The following ADAM10 variants were observed in gnomAD, a reference collection of about 807,000 sequenced individuals.
ADAM10 encodes disintegrin and metalloproteinase domain-containing protein 10.
A neutral mutation model predicts 90.1 loss-of-function variants in ADAM10; 17 were observed. That is an observed-to-expected ratio of 0.19 (90% confidence interval 0.13 to 0.28). ADAM10 has a LOEUF of 0.28. Ranked by LOEUF, ADAM10 falls within the 10% of genes least tolerant of loss-of-function variation. ADAM10 has a pLI of 1.00. For synonymous variants in ADAM10, 310 were observed against 298.6 expected, an observed-to-expected ratio of 1.04 and a Z score of -0.40; for missense variants, 610 against 914.3, an observed-to-expected ratio of 0.67 and a Z score of 4.29.
intron 2 of ADAM10, among the ~76,000 whole-genome samples, chr15:58,690,051 T>C (rs1295260409): frequency 2.1e-5 from 3 of 145,072 alleles, no homozygotes; most frequent in African/African-American, 7.8e-5. Flanking sequence ...AAAAGGACAA[T>C]ACATCATAAG....
At chr15:58,631,054 C>T (rs1896086689) in intron 9 of ADAM10, among the ~76,000 whole-genome samples, 1 of 152,044 alleles carries the variant, frequency 6.6e-6, no homozygotes, top group Admixed American at 6.5e-5. Context: ...CTCTCCTTGA[C>T]CCCACGCTCC....
At chr15:58,640,450 T>C (rs1896386657) in intron 8 of ADAM10, among the ~76,000 whole-genome samples, 1 of 152,164 alleles carries the variant, frequency 6.6e-6, no homozygotes, top group Non-Finnish European at 1.5e-5. Flanking sequence ...AGTTAATAAA[T>C]ATATAACATT....
At chr15:58,713,717 T>C (rs929581759) in intron 2 of ADAM10, among the ~76,000 whole-genome samples, 1 of 152,244 alleles carries the variant, frequency 6.6e-6, no homozygotes. Flanking sequence ...ACTGGAGTTG[T>C]TTCCTTAACG....
At chr15:58,612,384 G>A (rs1266488660) in intron 11 of ADAM10, among the ~76,000 whole-genome samples, 2 of 152,108 alleles carry the variant, frequency 1.3e-5, no homozygotes, top group Admixed American at 6.5e-5. Flanking sequence ...TGGCTGAACT[G>A]GGATACTATG....
chr15:58,655,687 T>TATACTATATATATATACTATATATAC (rs57182110), intron 5 of ADAM10, among the ~76,000 whole-genome samples: 1 of 80,306 alleles, frequency 1.2e-5, no homozygotes, highest in African/African-American at 6.3e-5. Context: ...CATATATATA[T>TATACTATATATATATACTATATATAC]TATATATAGT....
chr15:58,631,042 C>G (rs1896086258), intron 9 of ADAM10, among the ~76,000 whole-genome samples: 1 of 152,024 alleles, frequency 6.6e-6, no homozygotes, highest in Non-Finnish European at 1.5e-5. Flanking sequence ...CTAGTACCTC[C>G]TCTCTCCTTG....
At chr15:58,664,966 G>A (rs1468234232) in intron 5 of ADAM10, 131 bp downstream of exon 5, 1 of 752,916 alleles carries the variant, frequency 1.3e-6, no homozygotes, top group Non-Finnish European at 2.3e-6. Flanking sequence ...TGGCCTCTTT[G>A]AGCATTAAAA....
rs566294250 is a variant in ADAM10, at chr15:58,712,711, A to T, written c.206+4866T>A. Among the ~76,000 whole-genome samples the T allele has an allele frequency of 2.4e-4, 36 of 152,154 alleles. 1 individual carries two copies. The South Asian group carries it at 7.5e-3, about 32-fold the overall frequency. ...AGCGGTGGTGGGCGCCTCTAGTCCC[A>T]GCTACTCAGGAGGCTGAGGCAGGAC... On this transcript the variant is annotated intron_variant, in intron 2 of 15. Coordinates refer to ENST00000260408, the MANE Select transcript of ADAM10 (RefSeq NM_001110.4).
chr15:58,641,644 C>G (rs1008682365), intron 7 of ADAM10, among the ~76,000 whole-genome samples: 4 of 152,334 alleles, frequency 2.6e-5, no homozygotes, highest in East Asian at 1.9e-4. Context: ...CCTTCAGAAT[C>G]TGAATAATCT....
At chr15:58,692,409 CTTA>C (rs762844228) in intron 2 of ADAM10, 3 of 564,498 alleles carry the variant, frequency 5.3e-6, no homozygotes, top group South Asian at 2.8e-5. Context: ...TTGTTTTCTT[CTTA>C]TTATTCTTAT....
intron 2 of ADAM10, among the ~76,000 whole-genome samples, chr15:58,697,080 T>C (rs1163632450): frequency 3.9e-5 from 6 of 152,038 alleles, no homozygotes. Flanking sequence ...TGCTATGCAT[T>C]TTCATGTGCC....
At chr15:58,611,445 G>A (rs1396602700) in intron 12 of ADAM10, 3 of 327,818 alleles carry the variant, frequency 9.2e-6, no homozygotes, top group Admixed American at 9.3e-5. Flanking sequence ...TTCCTGTAGA[G>A]CAAAGTGATA....
intron 2 of ADAM10, among the ~76,000 whole-genome samples, chr15:58,704,447 T>C (rs1167403553): frequency 5.3e-5 from 8 of 152,146 alleles, no homozygotes; most frequent in Non-Finnish European, 7.4e-5. Context: ...TAATGGGACA[T>C]AAAGCCCCAA....
intron 2 of ADAM10, among the ~76,000 whole-genome samples, chr15:58,683,552 A>C (rs961797589): frequency 6.6e-6 from 1 of 152,190 alleles, no homozygotes; most frequent in African/African-American, 2.4e-5. Context: ...ACTACAAAGA[A>C]TGTGGCATAA....
At position 58,596,110 on chromosome 15, in the gene ADAM10, A is replaced by G. The variant is rs200798400; in HGVS notation, c.*1437T>C. The G allele has an allele frequency of 6.8e-5, 10 of 147,962 alleles. No individual in the cohort carries two copies. Among genetic ancestry groups the G allele is most frequent in the Non-Finnish European group, 1.3e-4 (9 of 67,336 alleles). The allele number at this position is 147,962 out of a possible 1,614,324, so 9.2% of individuals were successfully genotyped here. A position where few individuals can be genotyped will look rare whatever the true frequency, so the allele number is the denominator to read the frequency against. On this transcript the variant is annotated 3_prime_UTR_variant, in exon 16 of 16. Transcript: ENST00000260408. ...TTAAAAAAAAAAAGGAAAAAAAAAA[A>G]CCCAAAACATAGAAATCTTTACAAC...
chr15:58,604,200 A>C (rs1242614861), intron 14 of ADAM10, among the ~76,000 whole-genome samples: 1 of 152,052 alleles, frequency 6.6e-6, no homozygotes, highest in African/African-American at 2.4e-5. Context: ...CATCTGTGCT[A>C]AAATACAAAA....
intron 5 of ADAM10, among the ~76,000 whole-genome samples, chr15:58,654,368 G>A (rs956356867): frequency 3.3e-5 from 5 of 151,984 alleles, no homozygotes; most frequent in Admixed American, 6.6e-5. Flanking sequence ...TATCCTACGC[G>A]TTGTGTTATG....
intron 2 of ADAM10, among the ~76,000 whole-genome samples, chr15:58,702,021 G>A (rs972823397): frequency 1.1e-4 from 16 of 152,004 alleles, no homozygotes; most frequent in Non-Finnish European, 1.9e-4. Context: ...CAGAAGAATC[G>A]CTTGATCCAG....
chr15:58,601,810 C>T (rs763636656), intron 14 of ADAM10, among the ~76,000 whole-genome samples: 6 of 152,156 alleles, frequency 3.9e-5, no homozygotes, highest in African/African-American at 7.2e-5. Flanking sequence ...TTGAAGATTA[C>T]AGGGCAGTTA....
Sources: gnomAD v4.1 joint callset for allele counts (sites outside exome capture counted in the v4.1 genomes callset) on GRCh38, gnomAD v4.1.1 for gene constraint, MANE v1.5 for transcripts, NCBI Gene and HGNC (gene_info 2026-07-23, HGNC 2026-07-21) for gene names.